The following SLC24A2 variants were observed in gnomAD, a reference collection of about 807,000 sequenced individuals.
The protein encoded by SLC24A2 is solute carrier family 24 member 2, also known as sodium/potassium/calcium exchanger 2.
SLC24A2 carries 36 observed loss-of-function variants against 62.0 expected under a neutral mutation model. That is an observed-to-expected ratio of 0.58 (90% CI 0.44 to 0.77). SLC24A2 has a LOEUF of 0.77. Among genes scored for constraint, SLC24A2 ranks in the 30% least tolerant of loss-of-function variants. SLC24A2 has a pLI of 0.00. For missense variants in SLC24A2, 846 were observed against 817.9 expected (o/e 1.03, Z -0.42); for synonymous variants, 358 against 294.0 (o/e 1.22, Z -2.23).
At chr9:20,283,853 T>C in the SLC24A2 span, among the ~76,000 whole-genome samples, 1 of 152,086 alleles carries the variant, frequency 6.6e-6, no homozygotes, top group African/African-American at 2.4e-5. Context: ...TCTTGCCCTC[T>C]GGAATTGAGC....
At chr9:19,665,113 C>A (rs1336096540) in intron 2 of SLC24A2, among the ~76,000 whole-genome samples, 1 of 152,128 alleles carries the variant, frequency 6.6e-6, no homozygotes, top group Non-Finnish European at 1.5e-5. Flanking sequence ...CCAGTAAGAT[C>A]CGCCTGCTCT....
At chr9:19,995,726 C>G in the SLC24A2 span, among the ~76,000 whole-genome samples, 1 of 152,320 alleles carries the variant, frequency 6.6e-6, no homozygotes, top group South Asian at 2.1e-4. Flanking sequence ...CTAGTTAGTT[C>G]AAGATCATCC....
chr9:20,302,785 G>A, the SLC24A2 span, among the ~76,000 whole-genome samples: 1,158 of 152,200 alleles, frequency 7.6e-3, 7 homozygotes, highest in Non-Finnish European at 0.011. Context: ...TGGTGGTGTT[G>A]TCATTTATTT....
the SLC24A2 span, among the ~76,000 whole-genome samples, chr9:19,860,334 C>T: frequency 6.6e-6 from 1 of 152,188 alleles, no homozygotes; most frequent in Non-Finnish European, 1.5e-5. Context: ...TTTCTAGACA[C>T]ACCCTAGACC....
chr9:19,798,628 C>CA, the SLC24A2 span, among the ~76,000 whole-genome samples: 1 of 124,550 alleles, frequency 8.0e-6, no homozygotes, highest in Non-Finnish European at 1.8e-5. Context: ...ACACACACAC[C>CA]CCTGGAAATT....
the SLC24A2 span, among the ~76,000 whole-genome samples, chr9:19,969,521 C>A: frequency 2.0e-5 from 3 of 152,188 alleles, no homozygotes; most frequent in East Asian, 3.8e-4. Context: ...CTTCACTCCT[C>A]ACACATTACT....
At chr9:19,719,664 G>T (rs1438729387) in intron 2 of SLC24A2, among the ~76,000 whole-genome samples, 2 of 152,144 alleles carry the variant, frequency 1.3e-5, no homozygotes, top group South Asian at 2.1e-4. Flanking sequence ...TAAAATTAAG[G>T]TCAAATCTTG....
At chr9:19,972,299 C>T in the SLC24A2 span, among the ~76,000 whole-genome samples, 2 of 152,006 alleles carry the variant, frequency 1.3e-5, no homozygotes, top group Non-Finnish European at 2.9e-5. Flanking sequence ...AGTCAAATGC[C>T]GTTAGTCAGG....
chr9:20,243,619 C>G, the SLC24A2 span, among the ~76,000 whole-genome samples: 1 of 152,142 alleles, frequency 6.6e-6, no homozygotes, highest in Admixed American at 6.5e-5. Context: ...CACATTTGCT[C>G]TCAATTTTGT....
chr9:19,609,903 C>A (rs958830524), intron 4 of SLC24A2, among the ~76,000 whole-genome samples: 1 of 152,136 alleles, frequency 6.6e-6, no homozygotes, highest in African/African-American at 2.4e-5. Flanking sequence ...CCATAGAGTT[C>A]ACGCTCCTTT....
At chr9:19,560,350 T>G (rs1004487597) in intron 7 of SLC24A2, among the ~76,000 whole-genome samples, 1 of 134,784 alleles carries the variant, frequency 7.4e-6, no homozygotes, top group African/African-American at 2.7e-5. Flanking sequence ...TACACTCCTC[T>G]GTATTCAGAG....
At chr9:20,184,085 C>G in the SLC24A2 span, among the ~76,000 whole-genome samples, 1 of 152,106 alleles carries the variant, frequency 6.6e-6, no homozygotes, top group Non-Finnish European at 1.5e-5. Context: ...AAACAAATAA[C>G]CCAATTTAAA....
the SLC24A2 span, among the ~76,000 whole-genome samples, chr9:20,232,361 G>A: frequency 6.6e-6 from 1 of 152,228 alleles, no homozygotes; most frequent in South Asian, 2.1e-4. Flanking sequence ...AATCCATCTG[G>A]TCCTGGAGTT....
intron 2 of SLC24A2, among the ~76,000 whole-genome samples, chr9:19,710,592 A>G (rs1820685548): frequency 6.6e-6 from 1 of 152,184 alleles, no homozygotes; most frequent in Admixed American, 6.5e-5. Flanking sequence ...AAGTGCTAGG[A>G]TATGAGTCTG....
the SLC24A2 span, among the ~76,000 whole-genome samples, chr9:19,828,399 A>C: frequency 6.6e-6 from 1 of 152,186 alleles, no homozygotes; most frequent in Non-Finnish European, 1.5e-5. Flanking sequence ...CATGCACCCC[A>C]TAAATAATAA....
intron 2 of SLC24A2, among the ~76,000 whole-genome samples, chr9:19,755,307 T>C (rs1437932877): frequency 6.6e-6 from 1 of 152,200 alleles, no homozygotes. Flanking sequence ...GGACCCTCTG[T>C]ACACTTCTAT....
At chr9:19,636,321 T>TTTCTTTTCTTTTCTTTTCTTTCTC (rs1564009736) in intron 2 of SLC24A2, among the ~76,000 whole-genome samples, 1 of 24,168 alleles carries the variant, frequency 4.1e-5, no homozygotes, top group Non-Finnish European at 8.4e-5. Context: ...TTTCTTTTCT[T>TTTCTTTTCTTTTCTTTTCTTTCTC]TCTTTCTTTC....
the SLC24A2 span, among the ~76,000 whole-genome samples, chr9:20,064,974 T>G: frequency 6.6e-6 from 1 of 151,910 alleles, no homozygotes; most frequent in African/African-American, 2.4e-5. Flanking sequence ...TGAAAGTGAG[T>G]AGTGAGAACA....
At chr9:20,033,272 C>T in the SLC24A2 span, among the ~76,000 whole-genome samples, 2 of 152,164 alleles carry the variant, frequency 1.3e-5, no homozygotes, top group Non-Finnish European at 2.9e-5. Context: ...GGTCCAAATT[C>T]AAGCTTCTCC....
Sources: allele counts gnomAD v4.1 joint callset (sites outside exome capture counted in the v4.1 genomes callset), GRCh38; gene constraint gnomAD v4.1.1; transcripts MANE v1.5; gene names NCBI Gene and HGNC (gene_info 2026-07-23, HGNC 2026-07-21).